GATM: variants seen among roughly 807,000 people sequenced by gnomAD.
GATM encodes the protein glycine amidinotransferase, mitochondrial.
GATM carries 23 observed loss-of-function variants against 54.2 expected under a neutral mutation model. The ratio of observed to expected loss-of-function variants is 0.42; its 90% CI spans 0.31 to 0.60. The LOEUF (loss-of-function observed/expected upper bound fraction) is 0.60. GATM is among the 20% of genes least tolerant of loss of function. The pLI is 0.14. For synonymous variants in GATM, 168 were observed against 183.1 expected (o/e 0.92, Z 0.67); for missense variants, 401 against 544.9 (o/e 0.74, Z 2.63).
upstream of GATM, among the ~76,000 whole-genome samples, chr15:45,381,744 A>C (rs1175386852): frequency 6.6e-6 from 1 of 152,236 alleles, no homozygotes; most frequent in Admixed American, 6.5e-5. Flanking sequence ...CCTACAGTTT[A>C]GGGGAAGGAT....
In GATM at chr15:45,369,474, C is replaced by T. The variant is rs779262563; in HGVS notation, c.336G>A (p.Gly112=). 2 of 1,614,108 alleles carry T rather than the reference C, an allele frequency of 1.2e-6. No individual in the cohort carries two copies. The highest frequency in any genetic ancestry group is 2.2e-5 in the South Asian group (2 of 91,086). ...KYWPFYQKQG[G]HYFPKDHLKK... is the part of the protein sequence containing the mutation. ...TCAAATGATCTTTGGGAAAATAATG[C>T]CCTCCTTGCTTCTGGTAAAATGGCC... Residue 112 remains glycine, a synonymous_variant, in exon 3 of 9, where the codon GGG becomes GGA. Transcript: ENST00000396659.
At position 45,369,381 on chromosome 15, in the gene GATM, C is replaced by T. The variant is rs965175864; in HGVS notation, c.429G>A (p.Arg143=). 3 of 1,614,164 alleles carry T rather than the reference C, an allele frequency of 1.9e-6. No individual in the cohort carries two copies. The highest frequency in any genetic ancestry group is 2.7e-5 in the African/African-American group (2 of 75,042). The change falls in exon 3 of 9, where the codon AGG becomes AGA. Residue 143 remains arginine, a synonymous_variant. Coordinates refer to ENST00000396659, the MANE Select transcript of GATM (RefSeq NM_001482.3). ...ILKTEGVTVR[R]PDPIDWSLKY... ...TCAATGACCAGTCAATGGGGTCAGG[C>T]CTCCTTACTGTCACTCCTTCCGTTT...
At chr15:45,395,101 G>C (rs900914874) in intron 3 of GATM, among the ~76,000 whole-genome samples, 9 of 152,118 alleles carry the variant, frequency 5.9e-5, no homozygotes, top group Non-Finnish European at 1.0e-4. Flanking sequence ...TTTTTGGATG[G>C]GGTGTAGCAA....
rs1889895049 is a variant in GATM, at chr15:45,393,647, A to AGT, written c.-319+3273_-319+3274dup. On this transcript the variant is annotated intron_variant, in intron 3 of 4. Transcript: ENST00000561148. ...ATTACAATGAACATCATACAGGTTG[A>AGT]GTATCCCTTATCTGAAGTGCTTGGG... 2.0e-5 allele frequency among the ~76,000 whole-genome samples: 3 copies of AGT among 152,222 alleles called. No homozygotes were observed. In the South Asian group the frequency reaches 6.2e-4, roughly 32 times the overall value.
intron 6 of GATM, 52 bp from the exon 7 acceptor site, chr15:45,364,912 T>A (rs751929992): frequency 7.1e-7 from 1 of 1,407,492 alleles, no homozygotes; most frequent in Non-Finnish European, 1.0e-6. Context: ...TATACTATTA[T>A]TATTATTAGT....
intron 3 of GATM, among the ~76,000 whole-genome samples, chr15:45,391,250 C>CAAA (rs146787362): frequency 6.0e-5 from 7 of 117,338 alleles, no homozygotes; most frequent in African/African-American, 1.3e-4. Flanking sequence ...ACTAAAAATA[C>CAAA]AAAAAAAAAA....
chr15:45,397,880 C>T (rs1475352936), intron 2 of GATM, among the ~76,000 whole-genome samples: 5 of 152,262 alleles, frequency 3.3e-5, no homozygotes, highest in East Asian at 3.9e-4. Flanking sequence ...TTAGAGGACA[C>T]CCAGGTGGTA....
chr15:45,365,619 G>C (rs1025901736), intron 6 of GATM, among the ~76,000 whole-genome samples: 1 of 152,202 alleles, frequency 6.6e-6, no homozygotes, highest in Non-Finnish European at 1.5e-5. Context: ...TTTCCCTACA[G>C]AGCAGGGTTG....
chr15:45,384,384 A>G (rs1016814758), intron 3 of GATM, among the ~76,000 whole-genome samples: 1 of 152,194 alleles, frequency 6.6e-6, no homozygotes, highest in Non-Finnish European at 1.5e-5. Flanking sequence ...GCTGAATGCT[A>G]AAGAGATAGA....
chr15:45,390,332 T>C (rs1308908252), intron 3 of GATM, among the ~76,000 whole-genome samples: 2 of 152,212 alleles, frequency 1.3e-5, no homozygotes, highest in Non-Finnish European at 2.9e-5. Context: ...ATTTTAGACA[T>C]GGATTGTTTT....
intron 3 of GATM, among the ~76,000 whole-genome samples, chr15:45,388,321 C>T: frequency 6.6e-6 from 1 of 152,260 alleles, no homozygotes; most frequent in East Asian, 1.9e-4. Flanking sequence ...GTACAGAGTT[C>T]CTGTACACCC....
intron 3 of GATM, among the ~76,000 whole-genome samples, chr15:45,386,219 A>G (rs1333946243): frequency 6.6e-6 from 1 of 152,240 alleles, no homozygotes; most frequent in African/African-American, 2.4e-5. Flanking sequence ...CATGTTGAAC[A>G]TATGTATGCA....
chr15:45,370,832 A>G (rs1053616553), intron 2 of GATM, among the ~76,000 whole-genome samples: 1 of 152,178 alleles, frequency 6.6e-6, no homozygotes, highest in African/African-American at 2.4e-5. Flanking sequence ...GTGCAATGGC[A>G]CCATCTCAGC....
At position 45,378,433 on chromosome 15, in the gene GATM, C is replaced by A; in HGVS notation, c.21G>T (p.Leu7=). The change falls in exon 1 of 9, where the codon CTG becomes CTT. Residue 7 remains leucine, a synonymous_variant. Transcript: ENST00000396659. ...CCTCGGCGCCGCGGCTCCCGCCGCG[C>A]AGACACCGCACCCGCAGCATCGCCC... is the stretch of plus-strand genomic sequence containing the variant. MLRVRC[L]RGGSRGAEAV... The A allele has an allele frequency of 6.7e-7, 1 of 1,503,116 alleles. No individual in the cohort carries two copies. Among genetic ancestry groups the A allele is most frequent in the Non-Finnish European group, 8.8e-7 (1 of 1,133,120 alleles). 93.1% of individuals were successfully genotyped at this position (1,503,116 alleles called of 1,614,324 possible).
chr15:45,372,528 T>C (rs959969457), intron 2 of GATM, among the ~76,000 whole-genome samples: 2 of 152,214 alleles, frequency 1.3e-5, no homozygotes, highest in African/African-American at 4.8e-5. Flanking sequence ...TCCTCTCAGA[T>C]ACATGCTGGT....
intron 2 of GATM, among the ~76,000 whole-genome samples, chr15:45,397,730 C>T (rs975929516): frequency 6.6e-6 from 1 of 152,166 alleles, no homozygotes; most frequent in Non-Finnish European, 1.5e-5. Flanking sequence ...ATTTACAGAC[C>T]GTCCCTGGTC....
chr15:45,388,572 G>T (rs1779083670), intron 3 of GATM, among the ~76,000 whole-genome samples: 1 of 151,908 alleles, frequency 6.6e-6, no homozygotes. Flanking sequence ...GTCTTTCTTT[G>T]GTTTTTCAGG....
chr15:45,379,350 G>A (rs1889701291), upstream of GATM: 2 of 152,152 alleles, frequency 1.3e-5, no homozygotes, highest in South Asian at 4.2e-4. Context: ...CCTAGCAGGA[G>A]GGGGGGCAAG....
At chr15:45,377,778 G>A (rs1889664287) in intron 1 of GATM, 1 of 155,944 alleles carries the variant, frequency 6.4e-6, no homozygotes, top group South Asian at 2.0e-4. Context: ...GCAGCCGAGG[G>A]CGGGGAGCGC....
Sources: gnomAD v4.1 joint callset for allele counts (sites outside exome capture counted in the v4.1 genomes callset) on GRCh38, gnomAD v4.1.1 for gene constraint, MANE v1.5 for transcripts, NCBI Gene and HGNC (gene_info 2026-07-23, HGNC 2026-07-21) for gene names.